MBD5: variants seen among roughly 807,000 people sequenced by gnomAD.
MBD5 encodes methyl-CpG-binding domain protein 5.
Under a neutral mutation model 117.3 loss-of-function variants are expected in MBD5, and 13 were observed. That is an observed-to-expected ratio of 0.11 (90% CI 0.07 to 0.18). The LOEUF is 0.18. MBD5 is among the 10% of genes least tolerant of loss of function. The pLI is 1.00. For missense variants in MBD5, 1,879 were observed against 2,093.8 expected, an observed-to-expected ratio of 0.90 and a Z score of 2.00; for synonymous variants, 727 against 766.4, an observed-to-expected ratio of 0.95 and a Z score of 0.85.
intron 4 of MBD5, among the ~76,000 whole-genome samples, chr2:148,433,895 G>T (rs932179596): frequency 6.7e-6 from 1 of 149,022 alleles, no homozygotes; most frequent in Non-Finnish European, 1.5e-5. Flanking sequence ...CCTCCTCCCC[G>T]TTTTTGTTGT....
intron 5 of MBD5, among the ~76,000 whole-genome samples, chr2:148,461,139 G>T (rs1265671110): frequency 1.3e-5 from 2 of 151,994 alleles, no homozygotes. Flanking sequence ...CACCATGTTG[G>T]CCAGGCTGGT....
intron 4 of MBD5, among the ~76,000 whole-genome samples, chr2:148,457,444 C>T (rs1706919681): frequency 6.6e-6 from 1 of 152,108 alleles, no homozygotes; most frequent in African/African-American, 2.4e-5. Context: ...GATACTAAAT[C>T]TTCTAAAAAT....
chr2:148,483,006 G>T, intron 8 of MBD5, 104 bp from the exon 9 acceptor site: 2 of 1,317,092 alleles, frequency 1.5e-6, no homozygotes, highest in Non-Finnish European at 2.1e-6. Context: ...AAGGTGCCAT[G>T]GAACAAATAA....
chr2:148,227,175 G>T (rs932019165), intron 2 of MBD5, among the ~76,000 whole-genome samples: 10 of 152,004 alleles, frequency 6.6e-5, no homozygotes, highest in East Asian at 1.9e-4. Flanking sequence ...GTTTTAGACA[G>T]GAAGTCCTTG....
At chr2:148,193,156 A>G (rs1404904056) in intron 2 of MBD5, among the ~76,000 whole-genome samples, 1 of 73,990 alleles carries the variant, frequency 1.4e-5, no homozygotes, top group Non-Finnish European at 2.7e-5. Flanking sequence ...GGTAGGAAGA[A>G]TCAATATTGT....
intron 4 of MBD5, among the ~76,000 whole-genome samples, chr2:148,356,972 T>A (rs1524368): frequency 0.36 from 55,407 of 151,912 alleles, 11,274 homozygotes; most frequent in East Asian, 0.65. Flanking sequence ...GATAATCAAT[T>A]TTTTAAATTT....
chr2:148,234,970 G>A (rs934637433), intron 3 of MBD5, among the ~76,000 whole-genome samples: 6 of 151,898 alleles, frequency 4.0e-5, no homozygotes, highest in South Asian at 2.1e-4. Context: ...AGTAGTCTAC[G>A]TTTCTCCCTT....
chr2:148,025,846 G>A (rs1197654996), intron 1 of MBD5: 1 of 152,108 alleles, frequency 6.6e-6, no homozygotes, highest in African/African-American at 2.4e-5. Context: ...TAAGTCAGTT[G>A]TAATTTTTAA....
chr2:148,181,442 C>T (rs534619153), intron 2 of MBD5, among the ~76,000 whole-genome samples: 1 of 152,170 alleles, frequency 6.6e-6, no homozygotes, highest in Admixed American at 6.5e-5. Flanking sequence ...CTATCAGATG[C>T]GTCCCCACAT....
At chr2:148,075,682 A>G (rs543765983) in intron 1 of MBD5, among the ~76,000 whole-genome samples, 2 of 152,002 alleles carry the variant, frequency 1.3e-5, no homozygotes, top group East Asian at 3.9e-4. Context: ...GATCTAAATA[A>G]GATCCATATG....
chr2:148,460,971 T>A (rs997900706), intron 5 of MBD5, among the ~76,000 whole-genome samples: 1 of 152,212 alleles, frequency 6.6e-6, no homozygotes, highest in African/African-American at 2.4e-5. Flanking sequence ...TCTCACTCCG[T>A]CGCCCAGGCT....
chr2:148,268,950 A>G (rs1162395170), intron 3 of MBD5, among the ~76,000 whole-genome samples: 1 of 152,052 alleles, frequency 6.6e-6, no homozygotes, highest in African/African-American at 2.4e-5. Context: ...TGCTTGGCAT[A>G]GAATAGACAC....
intron 3 of MBD5, among the ~76,000 whole-genome samples, chr2:148,326,411 G>A (rs1475132300): frequency 1.3e-5 from 2 of 152,020 alleles, no homozygotes; most frequent in Non-Finnish European, 2.9e-5. Context: ...CTGTCTCGTT[G>A]ATCTGTCTAA....
intron 3 of MBD5, among the ~76,000 whole-genome samples, chr2:148,268,929 G>C (rs1700919359): frequency 6.6e-6 from 1 of 151,810 alleles, no homozygotes; most frequent in East Asian, 1.9e-4. Flanking sequence ...TATCTTTCAT[G>C]CCTAGTACAA....
At chr2:148,305,073 A>AAAAAT (rs962414491) in intron 3 of MBD5, among the ~76,000 whole-genome samples, 4 of 151,922 alleles carry the variant, frequency 2.6e-5, no homozygotes, top group Admixed American at 6.5e-5. Flanking sequence ...TCAAAAAAAA[A>AAAAAT]AAAATAAAAT....
chr2:148,403,245 T>C (rs537414190), intron 4 of MBD5, among the ~76,000 whole-genome samples: 64 of 152,008 alleles, frequency 4.2e-4, no homozygotes, highest in Non-Finnish European at 7.9e-4. Context: ...AGTGGCACAA[T>C]CTCAGCTCAC....
At chr2:148,411,953 AT>A (rs895879332) in intron 4 of MBD5, among the ~76,000 whole-genome samples, 2 of 151,858 alleles carry the variant, frequency 1.3e-5, no homozygotes, top group African/African-American at 4.8e-5. Context: ...TTCCAAGGTT[AT>A]TGGTTATCTT....
intron 3 of MBD5, among the ~76,000 whole-genome samples, chr2:148,299,320 T>G (rs6725093): frequency 0.94 from 143,369 of 152,062 alleles, 68,111 homozygotes; most frequent in East Asian, 1. Flanking sequence ...TAGAGACAGG[T>G]TTCCTCCCTG....
intron 1 of MBD5, among the ~76,000 whole-genome samples, chr2:148,126,496 G>A (rs528368853): frequency 2.0e-3 from 297 of 151,886 alleles, no homozygotes; most frequent in African/African-American, 7.0e-3. Context: ...TTATTAGATG[G>A]CTACATATTA....
Sources: gnomAD v4.1 joint callset for allele counts (sites outside exome capture counted in the v4.1 genomes callset) on GRCh38, gnomAD v4.1.1 for gene constraint, MANE v1.5 for transcripts, NCBI Gene and HGNC (gene_info 2026-07-23, HGNC 2026-07-21) for gene names.